The following MALT1 variants were observed in gnomAD, a reference collection of about 807,000 sequenced individuals.
MALT1 encodes the protein mucosa-associated lymphoid tissue lymphoma translocation protein 1.
A neutral mutation model predicts 85.5 loss-of-function variants in MALT1; 36 were observed. That is an observed-to-expected ratio of 0.42 (90% CI 0.32 to 0.56). The LOEUF (loss-of-function observed/expected upper bound fraction) is 0.56, where lower values mean the gene tolerates loss of function less well. Ranked by LOEUF, MALT1 falls within the 20% of genes least tolerant of loss-of-function variation. The probability of loss-of-function intolerance (pLI) is 0.10; values close to 1 mark genes in which losing one functional copy is unlikely to be tolerated. For synonymous variants in MALT1, 359 were observed against 361.3 expected (o/e 0.99, Z 0.07); for missense variants, 716 against 981.6 (o/e 0.73, Z 3.62).
At chr18:58,686,380 T>A (rs1274289564) in intron 2 of MALT1, among the ~76,000 whole-genome samples, 1 of 152,190 alleles carries the variant, frequency 6.6e-6, no homozygotes, top group Non-Finnish European at 1.5e-5. Context: ...ATTATAGGCT[T>A]CATCAGTCCT....
intron 1 of MALT1, chr18:58,672,308 G>A (rs1258830758): frequency 6.4e-6 from 1 of 155,198 alleles, no homozygotes; most frequent in Admixed American, 6.5e-5. Flanking sequence ...CAGAGGGTGG[G>A]GTGCAGGAAT....
chr18:58,710,059 A>G lies in MALT1; in HGVS notation c.912A>G (p.Val304=). 3 of 1,606,106 alleles carry G rather than the reference A, an allele frequency of 1.9e-6. No individual in the cohort carries two copies. The highest frequency in any genetic ancestry group is 2.6e-6 in the Non-Finnish European group (3 of 1,173,196). The part of the protein sequence containing the change: ...NDRDSQDSKK[V]EIIIGRTDEA... ...GAGACAGTCAAGATAGCAAGAAGGTAGAAATCATCATAGGTAAGAAGTATT... is the reference window on the plus strand; with the variant it reads ...GAGACAGTCAAGATAGCAAGAAGGTGGAAATCATCATAGGTAAGAAGTATT... The change falls in exon 6 of 17, where the codon GTA becomes GTG. Residue 304 remains valine, a synonymous_variant. Transcript: ENST00000649217.
chr18:58,676,966 A>AT (rs938405428), intron 1 of MALT1, among the ~76,000 whole-genome samples: 12 of 152,170 alleles, frequency 7.9e-5, no homozygotes, highest in African/African-American at 2.7e-4. Context: ...TTGATTATAT[A>AT]TTTTTTTAAA....
At position 58,682,474 on chromosome 18, in the gene MALT1, C is replaced by G. The variant is rs1361787554; in HGVS notation, c.376+1138C>G. 2.6e-5 allele frequency among the ~76,000 whole-genome samples: 4 copies of G among 152,250 alleles called. No individual in the cohort carries two copies. The East Asian group carries it at 7.7e-4, about 29-fold the overall frequency. On this transcript the variant is annotated intron_variant, in intron 2 of 16. Transcript: ENST00000649217. The stretch of plus-strand genomic sequence containing the variant: ...CTCTTCCTTTCTTGGCATTGGCTTC[C>G]TTCCATGACTGACTCTCCACATAGC...
intron 10 of MALT1, among the ~76,000 whole-genome samples, chr18:58,729,698 C>T (rs945892843): frequency 6.6e-6 from 1 of 152,018 alleles, no homozygotes; most frequent in Non-Finnish European, 1.5e-5. Context: ...CCTTTGAAAA[C>T]CAAGAAAATG....
At chr18:58,699,076 TTAATA>T (rs1382394145) in intron 3 of MALT1, among the ~76,000 whole-genome samples, 1 of 152,198 alleles carries the variant, frequency 6.6e-6, no homozygotes, top group Non-Finnish European at 1.5e-5. Flanking sequence ...TGTCTTCAGT[TTAATA>T]TAATCTTCAT....
intron 16 of MALT1, 103 bp from the exon 17 acceptor site, chr18:58,747,302 T>A: frequency 1.4e-6 from 1 of 705,684 alleles, no homozygotes; most frequent in Non-Finnish European, 2.4e-6. Context: ...GAAAGGAGAG[T>A]GAGTGGATTT....
intron 2 of MALT1, among the ~76,000 whole-genome samples, chr18:58,692,404 A>AT: frequency 7.4e-6 from 1 of 134,682 alleles, no homozygotes; most frequent in Non-Finnish European, 1.6e-5. Flanking sequence ...CCGACTGGCC[A>AT]TTCCTCTCTC....
At position 58,748,088 on chromosome 18, in the gene MALT1, G is replaced by GT; in HGVS notation, c.*249dup. 2.1e-6 allele frequency: 1 copy of GT among 473,306 alleles called. No homozygotes were observed. The highest frequency in any genetic ancestry group is 3.7e-5 in the East Asian group (1 of 26,802). 29.3% of individuals were successfully genotyped at this position (473,306 alleles called of 1,614,324 possible). A position where few individuals can be genotyped will look rare whatever the true frequency, so the allele number is the denominator to read the frequency against. On this transcript the variant is annotated 3_prime_UTR_variant, in exon 17 of 17. Transcript: ENST00000649217. ...ACAAATGAAGTATGGAGGTGTGTAT[G>GT]TTTATATGTATATAACAAAATATTT...
chr18:58,691,480 C>T, intron 2 of MALT1: 1 of 247,800 alleles, frequency 4.0e-6, no homozygotes, highest in Non-Finnish European at 8.0e-6. Context: ...CAGTAGAACA[C>T]CACAGACCTG....
chr18:58,707,428 A>T (rs975892285), intron 4 of MALT1, among the ~76,000 whole-genome samples: 16 of 150,864 alleles, frequency 1.1e-4, no homozygotes, highest in South Asian at 8.4e-4. Context: ...ACATTAGAAA[A>T]TTTTTTTTTA....
At chr18:58,731,954 G>A (rs2144454955) in intron 10 of MALT1, among the ~76,000 whole-genome samples, 1 of 152,166 alleles carries the variant, frequency 6.6e-6, no homozygotes, top group African/African-American at 2.4e-5. Context: ...CATTTTAGCT[G>A]AAACGTATTT....
At chr18:58,735,165 T>G (rs1372856109) in intron 12 of MALT1, 37 bp from the exon 13 acceptor site, 1 of 1,578,192 alleles carries the variant, frequency 6.3e-7, no homozygotes, top group East Asian at 2.2e-5. Flanking sequence ...GTATTTGCCT[T>G]TCTGTGCCTG....
intron 11 of MALT1, 137 bp from the exon 12 acceptor site, chr18:58,734,170 G>C (rs2055192912): frequency 9.1e-7 from 1 of 1,100,968 alleles, no homozygotes; most frequent in African/African-American, 1.6e-5. Context: ...TAGCTACCTA[G>C]ATGAAAAATT....
chr18:58,694,485 A>C (rs969625181), intron 2 of MALT1, among the ~76,000 whole-genome samples: 4 of 152,220 alleles, frequency 2.6e-5, no homozygotes, highest in African/African-American at 9.7e-5. Context: ...TAGACAAGGA[A>C]AGAAAATAAA....
chr18:58,684,072 A>C (rs569892232), intron 2 of MALT1, among the ~76,000 whole-genome samples: 63 of 152,224 alleles, frequency 4.1e-4, no homozygotes, highest in African/African-American at 1.5e-3. Flanking sequence ...AGCTGGGACT[A>C]CAAGCACGCA....
In MALT1 at chr18:58,723,220, G is replaced by A; in HGVS notation, c.1191G>A (p.Glu397=). 1 of 1,613,058 alleles carries A rather than the reference G, an allele frequency of 6.2e-7. No individual in the cohort carries two copies. Among genetic ancestry groups the A allele is most frequent in the Non-Finnish European group, 8.5e-7 (1 of 1,179,372 alleles). The change falls in exon 10 of 17, where the codon GAG becomes GAA. Residue 397 remains glutamate, a synonymous_variant. Coordinates refer to ENST00000649217, the MANE Select transcript of MALT1 (RefSeq NM_006785.4). ...TEYEMRNAVD[E]FLLLLDKGVY... ...ATGAGATGCGTAATGCTGTGGATGA[G>A]TTTTTACTCCTTTTAGACAAGGGAG...
At position 58,748,437 on chromosome 18, in the gene MALT1, A is replaced by T. The variant is rs2055403120; in HGVS notation, c.*595A>T. On this transcript the variant is annotated 3_prime_UTR_variant, in exon 17 of 17. Coordinates refer to ENST00000649217, the MANE Select transcript of MALT1 (RefSeq NM_006785.4). ...CTGTGTATTATCTCAAGGAATGTACAAACTTTAGTTTTTGATTATAAGGAC... is the reference window on the plus strand; with the variant it reads ...CTGTGTATTATCTCAAGGAATGTACTAACTTTAGTTTTTGATTATAAGGAC... The T allele has an allele frequency of 5.5e-6, 1 of 180,778 alleles. No individual in the cohort carries two copies. The highest frequency in any genetic ancestry group is 1.2e-5 in the Non-Finnish European group (1 of 84,434). The allele number at this position is 180,778 out of a possible 1,614,324, so 11.2% of individuals were successfully genotyped here.
chr18:58,747,526 G>A lies in MALT1; in HGVS notation c.2159G>A (p.Gly720Asp). Residue 720 changes from glycine (G) to aspartate (D), a missense_variant, in exon 17 of 17, where the codon GGT becomes GAT. By Grantham distance (94) the Gly-to-Asp change is moderately conservative. Around this residue, in one of 4 missense-constraint regions of MALT1, gnomAD observed 260 missense variants for 323.7 expected, o/e 0.80. Transcript: ENST00000649217. Reference protein sequence around the residue: ...PLIAKLDMHRGLGRKTCFQTC... With the variant: ...PLIAKLDMHRDLGRKTCFQTC... ...ATTGCTAAATTAGACATGCATCGAG[G>A]TTTGGGAAGGAAGACTTGCTTTCAA... The A allele has an allele frequency of 6.2e-7, 1 of 1,614,164 alleles. No individual in the cohort carries two copies. The highest frequency in any genetic ancestry group is 8.5e-7 in the Non-Finnish European group (1 of 1,180,022).
Sources: gnomAD v4.1 joint callset for allele counts (sites outside exome capture counted in the v4.1 genomes callset) on GRCh38, gnomAD v4.1.1 for gene constraint, gnomAD v4.1.1 regional missense constraint, MANE v1.5 for transcripts, NCBI Gene and HGNC (gene_info 2026-07-23, HGNC 2026-07-21) for gene names.